Variants in CMAS observed in about 807,000 individuals in gnomAD.
CMAS encodes cytidine monophosphate N-acetylneuraminic acid synthetase, also known as N-acylneuraminate cytidylyltransferase.
Under a neutral mutation model 53.4 loss-of-function variants are expected in CMAS, and 21 were observed. That is an observed-to-expected ratio of 0.39 (90% CI 0.28 to 0.57). The LOEUF (loss-of-function observed/expected upper bound fraction) is 0.57. Among genes scored for constraint, CMAS ranks in the 20% least tolerant of loss-of-function variants. CMAS has a pLI of 0.56. For synonymous variants in CMAS, 189 were observed against 195.2 expected, an observed-to-expected ratio of 0.97 and a Z score of 0.27; for missense variants, 384 against 534.9, an observed-to-expected ratio of 0.72 and a Z score of 2.78.
intron 6 of CMAS, among the ~76,000 whole-genome samples, chr12:22,061,901 C>T (rs185946753): frequency 6.1e-4 from 93 of 152,112 alleles, no homozygotes; most frequent in Non-Finnish European, 3.2e-4. Context: ...TACCAGAAAT[C>T]CTAAATATGT....
In CMAS at chr12:22,046,564, G is replaced by C; in HGVS notation, c.260+1G>C. On this transcript the variant is annotated splice_donor_variant, in intron 1 of 7. Transcript: ENST00000229329. LOFTEE classifies it high-confidence loss of function. ...CCCTGGATTCAGGGGCCTTCCAGAG[G>C]TGCGCATGTGCGAGAGTGGGCGGCG... 1.3e-6 allele frequency: 2 copies of C among 1,556,392 alleles called. No homozygotes were observed. The highest frequency in any genetic ancestry group is 1.7e-6 in the Non-Finnish European group (2 of 1,152,248).
intron 7 of CMAS, chr12:22,063,770 A>C (rs1004258183): frequency 6.6e-5 from 10 of 152,014 alleles, no homozygotes; most frequent in African/African-American, 2.4e-4. Flanking sequence ...AGAGGTAAGA[A>C]AATGGAGAAG....
chr12:22,055,054 C>T (rs1950259419), intron 1 of CMAS, 95 bp from the exon 2 acceptor site: 1 of 821,698 alleles, frequency 1.2e-6, no homozygotes, highest in Admixed American at 3.3e-5. Context: ...AATATTCTCA[C>T]ATTATATAAG....
intron 1 of CMAS, among the ~76,000 whole-genome samples, chr12:22,050,336 C>A (rs144876102): frequency 6.6e-6 from 1 of 152,316 alleles, no homozygotes; most frequent in Non-Finnish European, 1.5e-5. Flanking sequence ...GTGTGTGCCT[C>A]ACAGGCTTGT....
rs767473001 is a variant in CMAS, at chr12:22,065,339, G to A, written c.*28G>A. 1.3e-6 allele frequency: 2 copies of A among 1,553,964 alleles called. No homozygotes were observed. The highest frequency in any genetic ancestry group is 1.8e-6 in the Non-Finnish European group (2 of 1,129,524). On this transcript the variant is annotated 3_prime_UTR_variant, in exon 8 of 8. Transcript: ENST00000229329. ...ATTAGCGTAATATTGAGAAAAAAAT[G>A]ATACAGCCTTCTTCAGCCAGTTTGC...
chr12:22,061,230 G>A (rs1304034173), intron 5 of CMAS, 51 bp from the exon 6 acceptor site: 1 of 1,226,482 alleles, frequency 8.2e-7, no homozygotes, highest in East Asian at 2.3e-5. Flanking sequence ...AGATGAGAGG[G>A]AGTGATTAGT....
intron 4 of CMAS, 125 bp from the exon 5 acceptor site, chr12:22,060,707 T>A: frequency 1.7e-6 from 1 of 582,462 alleles, no homozygotes; most frequent in Non-Finnish European, 3.1e-6. Flanking sequence ...GTGACTGATT[T>A]TTACTGGGTT....
At chr12:22,053,142 C>T (rs73086676) in intron 1 of CMAS, among the ~76,000 whole-genome samples, 25,019 of 151,626 alleles carry the variant, frequency 0.17, 2,762 homozygotes, top group Non-Finnish European at 0.25. Context: ...AAAAATTGGT[C>T]GGGCGTGGTG....
At chr12:22,048,740 T>G (rs972968572) in intron 1 of CMAS, among the ~76,000 whole-genome samples, 1 of 152,124 alleles carries the variant, frequency 6.6e-6, no homozygotes, top group Non-Finnish European at 1.5e-5. Flanking sequence ...TAACTCTTAC[T>G]CTCCTTCCTA....
intron 3 of CMAS, among the ~76,000 whole-genome samples, chr12:22,057,916 C>A (rs975547531): frequency 1.6e-4 from 24 of 151,542 alleles, no homozygotes; most frequent in Admixed American, 5.2e-4. Context: ...CAATCTCCCC[C>A]CCCCGGGTTC....
intron 1 of CMAS, among the ~76,000 whole-genome samples, chr12:22,049,725 C>T (rs1414136811): frequency 3.9e-5 from 6 of 151,958 alleles, no homozygotes; most frequent in East Asian, 1.9e-4. Flanking sequence ...GCCAACATGG[C>T]GAAACCCCAT....
chr12:22,062,714 T>G (rs933523900), intron 7 of CMAS, among the ~76,000 whole-genome samples: 1 of 152,172 alleles, frequency 6.6e-6, no homozygotes, highest in South Asian at 2.1e-4. Context: ...TGTTTCCTCA[T>G]CTGTAAACTG....
At chr12:22,064,676 C>G (rs1054060309) in intron 7 of CMAS, among the ~76,000 whole-genome samples, 3 of 152,044 alleles carry the variant, frequency 2.0e-5, no homozygotes, top group Non-Finnish European at 4.4e-5. Flanking sequence ...CTGGGAATTC[C>G]TTCTTCTCCC....
chr12:22,055,636 A>G (rs1950263185), intron 3 of CMAS, 26 bp downstream of exon 3: 1 of 1,593,260 alleles, frequency 6.3e-7, no homozygotes, highest in Non-Finnish European at 8.5e-7. Flanking sequence ...TCTTTATTTT[A>G]GCTGATTTTA....
intron 4 of CMAS, among the ~76,000 whole-genome samples, chr12:22,060,218 A>G (rs1950298955): frequency 6.6e-6 from 1 of 151,638 alleles, no homozygotes; most frequent in Non-Finnish European, 1.5e-5. Flanking sequence ...TGGAGGATGT[A>G]ATATTTCTGC....
intron 1 of CMAS, among the ~76,000 whole-genome samples, chr12:22,048,457 C>A (rs1223539418): frequency 6.6e-6 from 1 of 152,106 alleles, no homozygotes; most frequent in African/African-American, 2.4e-5. Flanking sequence ...AGCATGGCTT[C>A]TAGCAGCTTA....
At chr12:22,055,669 AT>A in intron 3 of CMAS, 59 bp downstream of exon 3, 1 of 1,458,446 alleles carries the variant, frequency 6.9e-7, no homozygotes. Context: ...TTTTTTGTAT[AT>A]AAATATCCTT....
At chr12:22,062,876 C>T (rs1200870538) in intron 7 of CMAS, among the ~76,000 whole-genome samples, 6 of 152,082 alleles carry the variant, frequency 3.9e-5, no homozygotes, top group Non-Finnish European at 8.8e-5. Flanking sequence ...CCTCCAAATT[C>T]CAATTCCAGG....
At chr12:22,048,545 A>G (rs1418992254) in intron 1 of CMAS, among the ~76,000 whole-genome samples, 1 of 152,122 alleles carries the variant, frequency 6.6e-6, no homozygotes, top group Non-Finnish European at 1.5e-5. Flanking sequence ...GAATTTCCTG[A>G]TTGTTCCAGG....
Sources: gnomAD v4.1 joint callset for allele counts (sites outside exome capture counted in the v4.1 genomes callset) on GRCh38, gnomAD v4.1.1 for gene constraint, MANE v1.5 for transcripts, NCBI Gene and HGNC (gene_info 2026-07-23, HGNC 2026-07-21) for gene names.